The following STON1 variants were observed in gnomAD, a reference collection of about 807,000 sequenced individuals.
STON1 encodes the protein stonin-1.
STON1 carries 79 observed loss-of-function variants against 60.9 expected under a neutral mutation model. The observed-to-expected ratio is 1.30, with a 90% confidence interval of 1.08 to 1.56. The LOEUF (loss-of-function observed/expected upper bound fraction) is 1.56, where lower values mean the gene tolerates loss of function less well. Ranked by LOEUF, STON1 falls within the 40% of genes most tolerant of loss-of-function variation. The pLI is 0.00. For missense variants in STON1, 1,166 were observed against 858.9 expected (o/e 1.36, Z -4.47); for synonymous variants, 363 against 306.9 (o/e 1.18, Z -1.91).
intron 1 of STON1, among the ~76,000 whole-genome samples, chr2:48,565,288 G>A (rs568651062): frequency 3.3e-5 from 5 of 151,812 alleles, no homozygotes; most frequent in Non-Finnish European, 5.9e-5. Context: ...TCCTGACCTC[G>A]TGATCCACCC....
chr2:48,530,978 G>C (rs1047418214), intron 1 of STON1: 1 of 152,182 alleles, frequency 6.6e-6, no homozygotes, highest in Non-Finnish European at 1.5e-5. Flanking sequence ...CCTTCTAACT[G>C]TGCTTTCTTC....
chr2:48,571,441 C>T (rs146819134), intron 1 of STON1, among the ~76,000 whole-genome samples: 8 of 152,144 alleles, frequency 5.3e-5, no homozygotes, highest in Non-Finnish European at 1.0e-4. Context: ...TTAAATGAGA[C>T]GTTGCCTGTG....
chr2:48,589,271 A>C (rs888789320), intron 2 of STON1, among the ~76,000 whole-genome samples: 13 of 152,122 alleles, frequency 8.5e-5, no homozygotes, highest in African/African-American at 3.1e-4. Flanking sequence ...GAGGGACTGG[A>C]TATCAACTAG....
intron 2 of STON1, among the ~76,000 whole-genome samples, chr2:48,589,558 A>C (rs1232545086): frequency 6.6e-6 from 1 of 152,244 alleles, no homozygotes; most frequent in Non-Finnish European, 1.5e-5. Context: ...TAGCATTTTC[A>C]AAAGCCTTAA....
chr2:48,562,045 G>A (rs1040545631), intron 1 of STON1, among the ~76,000 whole-genome samples: 7 of 152,066 alleles, frequency 4.6e-5, no homozygotes, highest in Non-Finnish European at 7.4e-5. Context: ...ATTTTTAGTA[G>A]AAACGGGGTT....
chr2:48,566,533 TCA>T (rs1468987113), intron 1 of STON1, among the ~76,000 whole-genome samples: 4 of 152,154 alleles, frequency 2.6e-5, no homozygotes, highest in Admixed American at 6.5e-5. Context: ...TCCGCCCACC[TCA>T]GTCTCCCAAA....
intron 1 of STON1, among the ~76,000 whole-genome samples, chr2:48,573,183 A>G (rs1457120563): frequency 6.6e-6 from 1 of 152,142 alleles, no homozygotes; most frequent in Non-Finnish European, 1.5e-5. Context: ...CAGGGTTTGC[A>G]TTTTTACATC....
At position 48,582,542 on chromosome 2, in the gene STON1, C is replaced by G. The variant is rs764099758; in HGVS notation, c.1909C>G (p.Arg637Gly). The G allele has an allele frequency of 3.7e-6, 6 of 1,607,252 alleles. No individual in the cohort carries two copies. Among genetic ancestry groups the G allele is most frequent in the Non-Finnish European group, 3.4e-6 (4 of 1,177,294 alleles). ...CCAGGCAGTGGTATGGAAGATAGAT[C>G]GGCTTCCAGACAAAAATTCAAGTAA... Reference protein sequence around the residue: ...AYQAVVWKIDRLPDKNSSLDH... With the variant: ...AYQAVVWKIDGLPDKNSSLDH... The change falls in exon 2 of 4, where the codon CGG becomes GGG. Residue 637 changes from arginine to glycine, a missense_variant. Coordinates refer to ENST00000404752, the MANE Select transcript of STON1 (RefSeq NM_006873.4).
At chr2:48,548,643 C>T (rs1671960940) in intron 1 of STON1, among the ~76,000 whole-genome samples, 5 of 151,894 alleles carry the variant, frequency 3.3e-5, no homozygotes, top group South Asian at 4.1e-4. Flanking sequence ...GGATTACAGG[C>T]GTGCACCAGC....
intron 1 of STON1, among the ~76,000 whole-genome samples, chr2:48,558,143 A>T (rs1672460733): frequency 6.6e-6 from 1 of 152,328 alleles, no homozygotes; most frequent in African/African-American, 2.4e-5. Context: ...GAATCGCTTG[A>T]ACCCGGGAGG....
intron 1 of STON1, among the ~76,000 whole-genome samples, chr2:48,549,491 C>T (rs977295915): frequency 2.0e-5 from 3 of 152,002 alleles, no homozygotes; most frequent in African/African-American, 7.2e-5. Flanking sequence ...GAGGACAGAC[C>T]TAGGGTTCTG....
chr2:48,568,102 G>C (rs1407755065), intron 1 of STON1, among the ~76,000 whole-genome samples: 1 of 152,168 alleles, frequency 6.6e-6, no homozygotes, highest in East Asian at 1.9e-4. Flanking sequence ...GTGTTCCTGA[G>C]GCTTGAGTAG....
At position 48,557,683 on chromosome 2, in the gene STON1, G is replaced by A. The variant is rs1487161162; in HGVS notation, c.-47-22904G>A. 3.0e-4 allele frequency among the ~76,000 whole-genome samples: 45 copies of A among 149,272 alleles called. 9 individuals are homozygous for A. The highest frequency in any genetic ancestry group is 1.5e-3 in the Admixed American group (23 of 14,964). The stretch of plus-strand genomic sequence containing the variant: ...TGAACGAGACTCCGTCTGCAATCCC[G>A]GCACCTCGGGAGGCCGAGGTTGGCG... On this transcript the variant is annotated intron_variant, in intron 1 of 3. Coordinates refer to ENST00000404752, the MANE Select transcript of STON1 (RefSeq NM_006873.4).
At chr2:48,576,600 G>C (rs1055536980) in intron 1 of STON1, among the ~76,000 whole-genome samples, 8 of 151,284 alleles carry the variant, frequency 5.3e-5, no homozygotes, top group African/African-American at 1.9e-4. Flanking sequence ...GATGATTAGT[G>C]ATGTTGAGCA....
At chr2:48,547,707 G>A (rs1220929320) in intron 1 of STON1, among the ~76,000 whole-genome samples, 1 of 152,230 alleles carries the variant, frequency 6.6e-6, no homozygotes, top group African/African-American at 2.4e-5. Flanking sequence ...GTGGTCAAGT[G>A]AAAAGTGTTT....
chr2:48,546,853 G>C (rs886597389), intron 1 of STON1, among the ~76,000 whole-genome samples: 18 of 152,108 alleles, frequency 1.2e-4, no homozygotes, highest in African/African-American at 4.1e-4. Flanking sequence ...GGTATGAGCT[G>C]CTGTGCCTGG....
intron 2 of STON1, among the ~76,000 whole-genome samples, 193 bp from the exon 3 acceptor site, chr2:48,591,460 A>G (rs910083555): frequency 6.6e-6 from 1 of 152,188 alleles, no homozygotes; most frequent in Non-Finnish European, 1.5e-5. Context: ...TAGTACTTAA[A>G]AATGGCAGAC....
At chr2:48,565,115 T>A (rs553940090) in intron 1 of STON1, among the ~76,000 whole-genome samples, 9 of 144,612 alleles carry the variant, frequency 6.2e-5, no homozygotes, top group African/African-American at 2.3e-4. Context: ...TGCAGTGGTG[T>A]GATCTCTGCT....
At chr2:48,592,268 T>C (rs1361026365) in intron 3 of STON1, among the ~76,000 whole-genome samples, 1 of 152,118 alleles carries the variant, frequency 6.6e-6, no homozygotes, top group Non-Finnish European at 1.5e-5. Flanking sequence ...AGTCCTGCAA[T>C]AAGGAAACTT....
Sources: allele counts gnomAD v4.1 joint callset (sites outside exome capture counted in the v4.1 genomes callset), GRCh38; gene constraint gnomAD v4.1.1; transcripts MANE v1.5; gene names NCBI Gene and HGNC (gene_info 2026-07-23, HGNC 2026-07-21).